Variants in PCGF5 observed in about 807,000 individuals in gnomAD.
The protein encoded by PCGF5 is polycomb group ring finger 5.
Under a neutral mutation model 44.3 loss-of-function variants are expected in PCGF5, and 9 were observed. That is an observed-to-expected ratio of 0.20 (90% CI 0.12 to 0.35). The LOEUF is 0.35. PCGF5 is among the 10% of genes least tolerant of loss of function. PCGF5 has a pLI of 1.00. For synonymous variants in PCGF5, 95 were observed against 102.5 expected, an observed-to-expected ratio of 0.93 and a Z score of 0.44; for missense variants, 146 against 305.3, an observed-to-expected ratio of 0.48 and a Z score of 3.89.
chr10:91,159,967 T>C (rs748085148), upstream of PCGF5, among the ~76,000 whole-genome samples: 1 of 152,214 alleles, frequency 6.6e-6, no homozygotes, highest in Non-Finnish European at 1.5e-5. Flanking sequence ...AACACTATGA[T>C]TCTAATTATA....
At chr10:91,206,021 A>G (rs1844341738) in intron 1 of PCGF5, among the ~76,000 whole-genome samples, 2 of 152,222 alleles carry the variant, frequency 1.3e-5, no homozygotes, top group Non-Finnish European at 2.9e-5. Flanking sequence ...GACTCTGTCA[A>G]AAAACAAACA....
intron 1 of PCGF5, among the ~76,000 whole-genome samples, chr10:91,222,252 G>A (rs1446093387): frequency 6.6e-6 from 1 of 152,178 alleles, no homozygotes; most frequent in Admixed American, 6.5e-5. Flanking sequence ...GCCGGGCATG[G>A]AATAGCAGAG....
intron 2 of PCGF5, among the ~76,000 whole-genome samples, chr10:91,223,796 T>C (rs1844743935): frequency 6.6e-6 from 1 of 152,154 alleles, no homozygotes; most frequent in Admixed American, 6.5e-5. Flanking sequence ...GGAGTAGATG[T>C]AGGGGGAGAG....
upstream of PCGF5, chr10:91,162,964 C>G (rs1217761739): frequency 6.9e-6 from 1 of 145,296 alleles, no homozygotes; most frequent in East Asian, 2.0e-4. Flanking sequence ...GCTCGCACCC[C>G]CGCTGCCCCG....
At chr10:91,190,860 T>C (rs1844019847) in intron 1 of PCGF5, among the ~76,000 whole-genome samples, 1 of 152,220 alleles carries the variant, frequency 6.6e-6, no homozygotes, top group Non-Finnish European at 1.5e-5. Flanking sequence ...TTCACATCAG[T>C]TCCTGCTGTC....
At chr10:91,159,586 C>T (rs180829719), upstream of PCGF5, among the ~76,000 whole-genome samples, 4 of 152,352 alleles carry the variant, frequency 2.6e-5, no homozygotes, top group East Asian at 5.8e-4. Context: ...TGATGTCATA[C>T]TTCCAGCCTC....
At chr10:91,180,159 T>C (rs1373512923) in intron 1 of PCGF5, among the ~76,000 whole-genome samples, 1 of 152,218 alleles carries the variant, frequency 6.6e-6, no homozygotes, top group African/African-American at 2.4e-5. Flanking sequence ...TTGAAATTTG[T>C]CTGTTCATGT....
chr10:91,282,752 T>A lies in PCGF5; in HGVS notation c.*4436T>A, dbSNP rs1186054057. Reference sequence around the variant, plus strand: ...AATGGATGCACACTCTATTACATACTCTGGTTTATCATAAGGAATTTTCCA... The same window carrying A: ...AATGGATGCACACTCTATTACATACACTGGTTTATCATAAGGAATTTTCCA... On this transcript the variant is annotated 3_prime_UTR_variant, in exon 10 of 10. Transcript: ENST00000336126. 22 of 152,622 alleles carry A rather than the reference T, an allele frequency of 1.4e-4. No individual in the cohort carries two copies. The highest frequency in any genetic ancestry group is 1.4e-3 in the Admixed American group (22 of 15,280). The allele number at this position is 152,622 out of a possible 1,614,324, so 9.5% of individuals were successfully genotyped here. A position where few individuals can be genotyped will look rare whatever the true frequency, so the allele number is the denominator to read the frequency against.
At chr10:91,235,548 T>C (rs931590968) in intron 2 of PCGF5, among the ~76,000 whole-genome samples, 1 of 151,618 alleles carries the variant, frequency 6.6e-6, no homozygotes, top group African/African-American at 2.4e-5. Context: ...TACAAAAATT[T>C]TAAAAATTAG....
At chr10:91,265,315 A>G (rs995470341) in intron 8 of PCGF5, among the ~76,000 whole-genome samples, 2 of 152,188 alleles carry the variant, frequency 1.3e-5, no homozygotes, top group African/African-American at 4.8e-5. Flanking sequence ...ATATGACACT[A>G]AGGAATATAG....
At chr10:91,275,607 ATTT>A (rs72439811) in intron 9 of PCGF5, among the ~76,000 whole-genome samples, 88 of 128,860 alleles carry the variant, frequency 6.8e-4, no homozygotes, top group East Asian at 2.2e-3. Context: ...TGCCCGGCTA[ATTT>A]TTTTTTTTTT....
At chr10:91,163,774 G>C (rs972344777) in intron 1 of PCGF5, among the ~76,000 whole-genome samples, 4 of 151,960 alleles carry the variant, frequency 2.6e-5, no homozygotes, top group Non-Finnish European at 5.9e-5. Context: ...GGCAGGACCC[G>C]GCGGGACCCA....
intron 1 of PCGF5, among the ~76,000 whole-genome samples, chr10:91,204,589 G>T (rs539637353): frequency 1.3e-5 from 2 of 152,306 alleles, no homozygotes; most frequent in African/African-American, 4.8e-5. Context: ...TTCCTTTCCA[G>T]ACAAATGTTT....
At chr10:91,235,064 C>T (rs759211401) in intron 2 of PCGF5, among the ~76,000 whole-genome samples, 6 of 152,178 alleles carry the variant, frequency 3.9e-5, no homozygotes, top group Non-Finnish European at 7.4e-5. Context: ...GGCACCCTAA[C>T]GATGGTACTA....
At chr10:91,187,093 A>T (rs1473692187) in intron 1 of PCGF5, among the ~76,000 whole-genome samples, 1 of 152,206 alleles carries the variant, frequency 6.6e-6, no homozygotes, top group African/African-American at 2.4e-5. Flanking sequence ...TGCAGACCAC[A>T]TTAGAGAAGC....
intron 1 of PCGF5, among the ~76,000 whole-genome samples, chr10:91,221,818 A>T (rs1461106943): frequency 2.6e-5 from 4 of 152,226 alleles, no homozygotes; most frequent in Non-Finnish European, 4.4e-5. Flanking sequence ...TTTTGGTCTA[A>T]CAAAGAAGGT....
At chr10:91,229,215 A>G (rs1844935421) in intron 2 of PCGF5, among the ~76,000 whole-genome samples, 1 of 152,222 alleles carries the variant, frequency 6.6e-6, no homozygotes, top group South Asian at 2.1e-4. Flanking sequence ...TCATCATTCT[A>G]GCCACTGCAA....
At chr10:91,248,076 G>T (rs1465855098) in intron 3 of PCGF5, among the ~76,000 whole-genome samples, 2 of 152,102 alleles carry the variant, frequency 1.3e-5, no homozygotes, top group East Asian at 3.9e-4. Context: ...CTCCAGCCTT[G>T]TTCTCATGGT....
chr10:91,184,306 A>G (rs371420601), intron 1 of PCGF5, among the ~76,000 whole-genome samples: 2 of 151,996 alleles, frequency 1.3e-5, no homozygotes, highest in African/African-American at 4.8e-5. Flanking sequence ...TATTTCAGAA[A>G]CACAGTCTTT....
Sources: gnomAD v4.1 joint callset for allele counts (sites outside exome capture counted in the v4.1 genomes callset) on GRCh38, gnomAD v4.1.1 for gene constraint, MANE v1.5 for transcripts, NCBI Gene and HGNC (gene_info 2026-07-23, HGNC 2026-07-21) for gene names.